The following HS3ST2 variants were observed in gnomAD, a reference collection of about 807,000 sequenced individuals.
The protein encoded by HS3ST2 is heparan sulfate-glucosamine 3-sulfotransferase 2.
In HS3ST2, 17 loss-of-function variants were observed where a neutral mutation model predicts 26.3. The ratio of observed to expected loss-of-function variants is 0.65; its 90% CI spans 0.44 to 0.97. HS3ST2 has a LOEUF of 0.97. Among genes scored for constraint, HS3ST2 ranks in the 50% least tolerant of loss-of-function variants. The pLI, the probability that HS3ST2 is intolerant of heterozygous loss-of-function variation, is 0.00. For missense variants in HS3ST2, 402 were observed against 501.2 expected, an observed-to-expected ratio of 0.80 and a Z score of 1.89; for synonymous variants, 237 against 219.2, an observed-to-expected ratio of 1.08 and a Z score of -0.72.
At chr16:22,851,223 G>A (rs1012705187) in intron 1 of HS3ST2, among the ~76,000 whole-genome samples, 2 of 152,242 alleles carry the variant, frequency 1.3e-5, no homozygotes, top group African/African-American at 4.8e-5. Flanking sequence ...CATCTCTTAT[G>A]TGAAGAGCAT....
At chr16:22,914,208 C>T (rs1902460387) in intron 1 of HS3ST2, among the ~76,000 whole-genome samples, 1 of 151,582 alleles carries the variant, frequency 6.6e-6, no homozygotes, top group African/African-American at 2.4e-5. Flanking sequence ...CTCAAGTTTC[C>T]TCCCTAGAAG....
chr16:22,814,562 G>A lies in HS3ST2; in HGVS notation c.-49G>A, dbSNP rs1900823070. On this transcript the variant is annotated 5_prime_UTR_variant, in exon 1 of 2. Coordinates refer to ENST00000261374, the MANE Select transcript of HS3ST2 (RefSeq NM_006043.2). ...ACCGCAGGGCCACAGCAGCTCAGCCGCCGGTGCCCCCTCGGAAACCATGAC... is the reference window on the plus strand; with the variant it reads ...ACCGCAGGGCCACAGCAGCTCAGCCACCGGTGCCCCCTCGGAAACCATGAC... The A allele has an allele frequency of 3.4e-6, 5 of 1,461,420 alleles. No homozygotes were observed. The highest frequency in any genetic ancestry group is 1.5e-5 in the African/African-American group (1 of 67,320). The allele number at this position is 1,461,420 out of a possible 1,614,324, so 90.5% of individuals were successfully genotyped here. A position where few individuals can be genotyped will look rare whatever the true frequency, so the allele number is the denominator to read the frequency against.
intron 1 of HS3ST2, among the ~76,000 whole-genome samples, chr16:22,874,349 T>A (rs187238716): frequency 6.6e-6 from 1 of 152,350 alleles, no homozygotes; most frequent in East Asian, 1.9e-4. Context: ...GGAGATAAGT[T>A]CAGAAGGTGA....
At chr16:22,826,227 G>A (rs390125) in intron 1 of HS3ST2, among the ~76,000 whole-genome samples, 21,790 of 152,062 alleles carry the variant, frequency 0.14, 1,666 homozygotes, top group East Asian at 0.22. Flanking sequence ...TTGTGGGGTT[G>A]TAGAGGAGGG....
At chr16:22,820,054 A>T (rs1322252212) in intron 1 of HS3ST2, among the ~76,000 whole-genome samples, 4 of 152,330 alleles carry the variant, frequency 2.6e-5, no homozygotes, top group Admixed American at 2.6e-4. Context: ...ACACATGTGC[A>T]CCTGCATGCA....
At chr16:22,837,044 T>C (rs1197595944) in intron 1 of HS3ST2, among the ~76,000 whole-genome samples, 1 of 152,162 alleles carries the variant, frequency 6.6e-6, no homozygotes, top group Non-Finnish European at 1.5e-5. Context: ...AAGATTGATG[T>C]CAGCTAGGTT....
intron 1 of HS3ST2, among the ~76,000 whole-genome samples, chr16:22,826,161 G>T (rs538744691): frequency 1.3e-5 from 2 of 152,282 alleles, no homozygotes; most frequent in Admixed American, 6.5e-5. Context: ...AAGAGAAGAA[G>T]GTACAGAGAA....
At chr16:22,833,000 G>T (rs1901197410) in intron 1 of HS3ST2, among the ~76,000 whole-genome samples, 1 of 152,064 alleles carries the variant, frequency 6.6e-6, no homozygotes, top group Admixed American at 6.5e-5. Context: ...ACCCTGGACT[G>T]TTGATACCCT....
intron 1 of HS3ST2, among the ~76,000 whole-genome samples, chr16:22,904,929 G>A (rs1452464155): frequency 1.3e-5 from 2 of 152,222 alleles, no homozygotes; most frequent in Non-Finnish European, 2.9e-5. Flanking sequence ...AACTAGGCGA[G>A]GATAAACGGC....
At position 22,863,700 on chromosome 16, in the gene HS3ST2, C is replaced by T. The variant is rs1901710575; in HGVS notation, c.485+48605C>T. Among the ~76,000 whole-genome samples the T allele has an allele frequency of 1.3e-5, 2 of 152,222 alleles. 1 individual carries two copies. The highest frequency in any genetic ancestry group is 4.1e-4 in the South Asian group (2 of 4,832). Reference sequence around the variant, plus strand: ...AGCTCCTGTGACAGTGCCTCTGACCCAGCAAGCTGTCTTTGCTCACAAGGC... The same window carrying T: ...AGCTCCTGTGACAGTGCCTCTGACCTAGCAAGCTGTCTTTGCTCACAAGGC... On this transcript the variant is annotated intron_variant, in intron 1 of 1. Coordinates refer to ENST00000261374, the MANE Select transcript of HS3ST2 (RefSeq NM_006043.2).
chr16:22,876,784 G>T (rs1438571496), intron 1 of HS3ST2, among the ~76,000 whole-genome samples: 1 of 152,158 alleles, frequency 6.6e-6, no homozygotes, highest in African/African-American at 2.4e-5. Flanking sequence ...ATATGCCATG[G>T]AATACTACTC....
At chr16:22,882,351 G>T (rs1344764175) in intron 1 of HS3ST2, among the ~76,000 whole-genome samples, 2 of 152,082 alleles carry the variant, frequency 1.3e-5, no homozygotes, top group East Asian at 3.9e-4. Flanking sequence ...AACACAGCAA[G>T]ACCCCATCTC....
chr16:22,897,072 G>T (rs1344042054), intron 1 of HS3ST2, among the ~76,000 whole-genome samples: 1 of 152,194 alleles, frequency 6.6e-6, no homozygotes, highest in African/African-American at 2.4e-5. Flanking sequence ...CCCTCCCAAA[G>T]TTCTGGGATT....
At chr16:22,846,545 A>T (rs1002939512) in intron 1 of HS3ST2, among the ~76,000 whole-genome samples, 3 of 151,738 alleles carry the variant, frequency 2.0e-5, no homozygotes, top group African/African-American at 7.3e-5. Context: ...GTTTACGTGA[A>T]CTCCTCTGTA....
At chr16:22,860,967 G>A (rs1371348366) in intron 1 of HS3ST2, among the ~76,000 whole-genome samples, 1 of 151,746 alleles carries the variant, frequency 6.6e-6, no homozygotes, top group East Asian at 1.9e-4. Flanking sequence ...CGAATTCCTG[G>A]GCTCAAGCAA....
intron 1 of HS3ST2, among the ~76,000 whole-genome samples, chr16:22,817,406 T>C (rs1214223572): frequency 6.6e-6 from 1 of 152,202 alleles, no homozygotes; most frequent in African/African-American, 2.4e-5. Flanking sequence ...GTTTAGCTTG[T>C]GGATTGCCAT....
chr16:22,843,371 A>G (rs1016451085), intron 1 of HS3ST2, among the ~76,000 whole-genome samples: 6 of 152,040 alleles, frequency 3.9e-5, no homozygotes, highest in African/African-American at 1.4e-4. Flanking sequence ...CGGGTTGAGG[A>G]CTCAGTTCCC....
At chr16:22,858,191 G>A (rs372813483) in intron 1 of HS3ST2, among the ~76,000 whole-genome samples, 11 of 151,936 alleles carry the variant, frequency 7.2e-5, no homozygotes, top group Non-Finnish European at 1.2e-4. Flanking sequence ...AACGAAAATT[G>A]TATAATTGGA....
At chr16:22,884,424 C>T (rs1902032146) in intron 1 of HS3ST2, among the ~76,000 whole-genome samples, 1 of 152,116 alleles carries the variant, frequency 6.6e-6, no homozygotes, top group Non-Finnish European at 1.5e-5. Flanking sequence ...AAAGCAGAAG[C>T]TTCATTTACA....
Sources: gnomAD v4.1 joint callset for allele counts (sites outside exome capture counted in the v4.1 genomes callset) on GRCh38, gnomAD v4.1.1 for gene constraint, MANE v1.5 for transcripts, NCBI Gene and HGNC (gene_info 2026-07-23, HGNC 2026-07-21) for gene names.